KIF6: variants seen among roughly 807,000 people sequenced by gnomAD.
KIF6 encodes kinesin family member 6, also known as kinesin-like protein KIF6.
In KIF6, 106 loss-of-function variants were observed where a neutral mutation model predicts 112.7. That is an observed-to-expected ratio of 0.94 (90% CI 0.80 to 1.11). The LOEUF (loss-of-function observed/expected upper bound fraction) is 1.11, where lower values mean the gene tolerates loss of function less well. KIF6 is among the 50% of genes least tolerant of loss of function. KIF6 has a pLI of 0.00. For synonymous variants in KIF6, 339 were observed against 339.9 expected (o/e 1.00, Z 0.03); for missense variants, 929 against 964.0 (o/e 0.96, Z 0.48).
intron 2 of KIF6, among the ~76,000 whole-genome samples, chr6:39,717,227 T>C (rs1004979875): frequency 2.6e-5 from 4 of 151,542 alleles, no homozygotes; most frequent in African/African-American, 9.8e-5. Context: ...GATCTGGCCA[T>C]TCTGCTGCCT....
At chr6:39,390,485 A>C (rs1282222226) in intron 15 of KIF6, among the ~76,000 whole-genome samples, 1 of 152,170 alleles carries the variant, frequency 6.6e-6, no homozygotes, top group East Asian at 1.9e-4. Flanking sequence ...GTCTGAGAGA[A>C]CTGCTGGGAC....
intron 21 of KIF6, among the ~76,000 whole-genome samples, chr6:39,344,907 T>G (rs1198850075): frequency 6.6e-6 from 1 of 152,242 alleles, no homozygotes; most frequent in Non-Finnish European, 1.5e-5. Context: ...TGTGGCCGGG[T>G]GACCAGGTGC....
chr6:39,725,212 C>T, intron 1 of KIF6, 33 bp downstream of exon 1: 1 of 1,594,798 alleles, frequency 6.3e-7, no homozygotes. Flanking sequence ...AGAGGCCCCG[C>T]CGCGCCGGCG....
At chr6:39,516,795 G>C (rs1777112810) in intron 13 of KIF6, among the ~76,000 whole-genome samples, 1 of 152,130 alleles carries the variant, frequency 6.6e-6, no homozygotes, top group Admixed American at 6.6e-5. Context: ...GCAAATCATG[G>C]GTTGGCCTTA....
chr6:39,398,663 A>G (rs1395924887), intron 15 of KIF6, among the ~76,000 whole-genome samples: 1 of 152,248 alleles, frequency 6.6e-6, no homozygotes, highest in Non-Finnish European at 1.5e-5. Context: ...CTTCTAAGTA[A>G]GAGTTAGATG....
At chr6:39,472,863 C>CT (rs111676822) in intron 13 of KIF6, among the ~76,000 whole-genome samples, 2,033 of 143,460 alleles carry the variant, frequency 0.014, 47 homozygotes, top group African/African-American at 0.043. Context: ...TGTACATTTT[C>CT]TTTTTTTTTT....
intron 13 of KIF6, among the ~76,000 whole-genome samples, chr6:39,482,792 G>T (rs1365878128): frequency 6.6e-6 from 1 of 152,200 alleles, no homozygotes; most frequent in African/African-American, 2.4e-5. Context: ...CACTGGGAGA[G>T]AGTACCATAA....
At chr6:39,358,586 C>T (rs953491539) in intron 18 of KIF6, among the ~76,000 whole-genome samples, 4 of 152,190 alleles carry the variant, frequency 2.6e-5, no homozygotes, top group Admixed American at 6.5e-5. Flanking sequence ...CCTTGTCGAC[C>T]GGTCAGTGGT....
At chr6:39,492,682 A>C (rs757956132) in intron 13 of KIF6, among the ~76,000 whole-genome samples, 34 of 152,070 alleles carry the variant, frequency 2.2e-4, no homozygotes, top group Non-Finnish European at 4.1e-4. Flanking sequence ...CAGTTATCTA[A>C]GTTTGGTACT....
At chr6:39,655,950 C>T (rs1055375890) in intron 3 of KIF6, among the ~76,000 whole-genome samples, 3 of 152,116 alleles carry the variant, frequency 2.0e-5, no homozygotes, top group Non-Finnish European at 2.9e-5. Flanking sequence ...TTTGTCAAGT[C>T]TCAGTTGCTC....
chr6:39,529,070 G>A (rs1384829027), intron 13 of KIF6, among the ~76,000 whole-genome samples: 2 of 152,300 alleles, frequency 1.3e-5, no homozygotes, highest in East Asian at 3.9e-4. Flanking sequence ...GAGAAAAAGA[G>A]ACTCTTCAAT....
chr6:39,664,102 G>A lies in KIF6; in HGVS notation c.252-24345C>T, dbSNP rs564956944. On this transcript the variant is annotated intron_variant, in intron 3 of 22. Transcript: ENST00000287152. ...AATGCTGTATATAATATGATTTCAC[G>A]TGGTGATAACTGTTATAAATAATAA... 6.6e-5 allele frequency among the ~76,000 whole-genome samples: 10 copies of A among 152,214 alleles called. No individual in the cohort carries two copies. The East Asian group carries it at 1.5e-3, about 23-fold the overall frequency.
chr6:39,570,108 A>G (rs16892273), intron 10 of KIF6, among the ~76,000 whole-genome samples: 1 of 152,204 alleles, frequency 6.6e-6, no homozygotes, highest in Non-Finnish European at 1.5e-5. Context: ...TTATAATACT[A>G]TGTGTTTGGA....
intron 22 of KIF6, among the ~76,000 whole-genome samples, chr6:39,337,163 C>CT (rs879570605): frequency 0.072 from 4,919 of 68,668 alleles, 408 homozygotes; most frequent in African/African-American, 0.17. Flanking sequence ...TCTTTTCTTT[C>CT]TTTCCTTCCT....
intron 3 of KIF6, among the ~76,000 whole-genome samples, chr6:39,661,368 G>A (rs1786137387): frequency 2.0e-5 from 3 of 152,154 alleles, no homozygotes. Context: ...AACACATCAT[G>A]TCATACAGCA....
intron 3 of KIF6, among the ~76,000 whole-genome samples, chr6:39,647,852 C>T (rs1319852013): frequency 1.3e-5 from 2 of 151,288 alleles, no homozygotes; most frequent in East Asian, 3.9e-4. Context: ...GCTGGGATTA[C>T]AGGCACCCGC....
chr6:39,679,897 G>GT (rs1787409026), intron 3 of KIF6, among the ~76,000 whole-genome samples: 1 of 149,432 alleles, frequency 6.7e-6, no homozygotes, highest in African/African-American at 2.5e-5. Context: ...GATTACAGGC[G>GT]TGAGCCACCA....
intron 13 of KIF6, among the ~76,000 whole-genome samples, chr6:39,438,087 C>CCTGTCT (rs1166306019): frequency 1.3e-5 from 2 of 152,110 alleles, no homozygotes; most frequent in African/African-American, 4.8e-5. Context: ...AAGCGATTCT[C>CCTGTCT]CTGTCTCAGC....
At chr6:39,402,997 A>G (rs987763320) in intron 15 of KIF6, among the ~76,000 whole-genome samples, 1 of 152,164 alleles carries the variant, frequency 6.6e-6, no homozygotes, top group Non-Finnish European at 1.5e-5. Context: ...AACCTGTATC[A>G]TCAACCCATA....
Sources: gnomAD v4.1 joint callset for allele counts (sites outside exome capture counted in the v4.1 genomes callset) on GRCh38, gnomAD v4.1.1 for gene constraint, MANE v1.5 for transcripts, NCBI Gene and HGNC (gene_info 2026-07-23, HGNC 2026-07-21) for gene names.